LIN28B: variants seen among roughly 807,000 people sequenced by gnomAD.
LIN28B encodes the protein protein lin-28 homolog B.
LIN28B carries 5 observed loss-of-function variants against 21.9 expected under a neutral mutation model. The observed-to-expected ratio is 0.23, with a 90% confidence interval of 0.12 to 0.48. The LOEUF (loss-of-function observed/expected upper bound fraction) is 0.48, where lower values mean the gene tolerates loss of function less well. Among genes scored for constraint, LIN28B ranks in the 20% least tolerant of loss-of-function variants. The pLI, the probability that LIN28B is intolerant of heterozygous loss-of-function variation, is 0.98. For synonymous variants in LIN28B, 109 were observed against 111.3 expected (o/e 0.98, Z 0.13); for missense variants, 245 against 310.5 (o/e 0.79, Z 1.58).
rs1582904247 is a variant in LIN28B, at chr6:105,026,559, C to T, written c.383+77C>T. The T allele has an allele frequency of 1.4e-5, 13 of 933,196 alleles. No individual in the cohort carries two copies. The East Asian group carries it at 2.9e-4, about 21-fold the overall frequency. The allele number at this position is 933,196 out of a possible 1,614,324, so 57.8% of individuals were successfully genotyped here. A position where few individuals can be genotyped will look rare whatever the true frequency, so the allele number is the denominator to read the frequency against. The stretch of plus-strand genomic sequence containing the variant: ...TTCTGAAAATGTTTTCATCTTACTG[C>T]ATTTCATATTGTCTAGCCAAAGGAA... On this transcript the variant is annotated intron_variant, in intron 3 of 3. Transcript: ENST00000345080.
intron 1 of LIN28B, 124 bp from the exon 2 acceptor site, chr6:104,957,973 TAA>T (rs869304002): frequency 3.6e-6 from 2 of 556,060 alleles, no homozygotes; most frequent in Non-Finnish European, 3.0e-6. Context: ...ATCAAACCAT[TAA>T]AAAAAATTTT....
intron 3 of LIN28B, among the ~76,000 whole-genome samples, chr6:105,055,526 G>T (rs1284133954): frequency 1.3e-5 from 2 of 152,254 alleles, no homozygotes; most frequent in East Asian, 1.9e-4. Flanking sequence ...AAGCACAGCA[G>T]CAGGCTTTGT....
chr6:104,984,321 T>G (rs1770288977), intron 2 of LIN28B, among the ~76,000 whole-genome samples: 1 of 152,234 alleles, frequency 6.6e-6, no homozygotes, highest in African/African-American at 2.4e-5. Flanking sequence ...GTATAAATAA[T>G]AAACATACAG....
At chr6:104,991,386 G>T (rs573425238) in intron 2 of LIN28B, among the ~76,000 whole-genome samples, 1 of 151,666 alleles carries the variant, frequency 6.6e-6, no homozygotes, top group Non-Finnish European at 1.5e-5. Context: ...GGTCGCGGCC[G>T]GGCAGAGGCG....
chr6:105,023,648 A>G (rs1354158649), intron 2 of LIN28B, among the ~76,000 whole-genome samples: 1 of 89,148 alleles, frequency 1.1e-5, no homozygotes, highest in South Asian at 2.7e-4. Context: ...TAAAATATAT[A>G]ATATATATAT....
chr6:105,006,918 G>A (rs1582891784), intron 2 of LIN28B, among the ~76,000 whole-genome samples: 1 of 152,170 alleles, frequency 6.6e-6, no homozygotes, highest in Non-Finnish European at 1.5e-5. Context: ...AAAGACAGTA[G>A]GGAAATGCAA....
chr6:104,987,097 CAT>C (rs1270600695), intron 2 of LIN28B, among the ~76,000 whole-genome samples: 2 of 152,258 alleles, frequency 1.3e-5, no homozygotes, highest in Non-Finnish European at 2.9e-5. Flanking sequence ...AATCCATGAA[CAT>C]GTTTGTCCTT....
intron 2 of LIN28B, among the ~76,000 whole-genome samples, chr6:104,974,506 A>T (rs1324592245): frequency 6.7e-6 from 1 of 149,016 alleles, no homozygotes; most frequent in Middle Eastern, 3.4e-3. Context: ...AAAAAAAAAG[A>T]AAAAGAAAAA....
intron 3 of LIN28B, among the ~76,000 whole-genome samples, chr6:105,051,554 A>C (rs1771906953): frequency 1.3e-5 from 2 of 151,712 alleles, no homozygotes; most frequent in Non-Finnish European, 2.9e-5. Flanking sequence ...TTTAAGTTTC[A>C]AATAAATCTG....
At chr6:104,979,054 G>A (rs1213273473) in intron 2 of LIN28B, among the ~76,000 whole-genome samples, 2 of 152,030 alleles carry the variant, frequency 1.3e-5, no homozygotes, top group Non-Finnish European at 2.9e-5. Context: ...AGTCATTTAA[G>A]ATTTAAGTAA....
chr6:105,059,378 C>T (rs905001776), intron 3 of LIN28B, among the ~76,000 whole-genome samples: 1 of 152,138 alleles, frequency 6.6e-6, no homozygotes, highest in African/African-American at 2.4e-5. Flanking sequence ...TCACTCTTCA[C>T]ATTTTGCTAG....
intron 2 of LIN28B, among the ~76,000 whole-genome samples, chr6:104,943,380 A>G (rs1562557816): frequency 6.6e-6 from 1 of 152,190 alleles, no homozygotes; most frequent in Non-Finnish European, 1.5e-5. Flanking sequence ...ATTAAATAAA[A>G]CATGTATGAA....
At chr6:105,076,622 T>C (rs1229736534) in intron 3 of LIN28B, among the ~76,000 whole-genome samples, 2 of 152,114 alleles carry the variant, frequency 1.3e-5, no homozygotes, top group Admixed American at 6.5e-5. Flanking sequence ...TTGTTGTTGT[T>C]GTTGGAGATG....
chr6:105,078,248 T>C (rs1217791958), intron 3 of LIN28B, among the ~76,000 whole-genome samples, 166 bp from the exon 4 acceptor site: 1 of 152,212 alleles, frequency 6.6e-6, no homozygotes, highest in Non-Finnish European at 1.5e-5. Context: ...GTGATGATAG[T>C]CTTTGAACCA....
chr6:104,939,483 C>G (rs1158823954), intron 2 of LIN28B: 3 of 152,138 alleles, frequency 2.0e-5, no homozygotes, highest in African/African-American at 7.2e-5. Context: ...ATCAGTTTGT[C>G]TGCATTGATC....
At position 105,078,860 on chromosome 6, in the gene LIN28B, A is replaced by C; in HGVS notation, c.*77A>C. The C allele has an allele frequency of 1.3e-6, 2 of 1,493,302 alleles. No homozygotes were observed. The highest frequency in any genetic ancestry group is 1.4e-5 in the African/African-American group (1 of 71,566). 92.5% of individuals were successfully genotyped at this position (1,493,302 alleles called of 1,614,324 possible). A position where few individuals can be genotyped will look rare whatever the true frequency, so the allele number is the denominator to read the frequency against. ...TGCAAGTATAGGGGAACAGTATTTC[A>C]CAAGCAGTAGCTGACCTGGGATTTT... On this transcript the variant is annotated 3_prime_UTR_variant, in exon 4 of 4. Transcript: ENST00000345080.
rs551419782 is a variant in LIN28B at position 104,966,722 on chromosome 6, C to T, written c.198+8436C>T. 1.6e-4 allele frequency among the ~76,000 whole-genome samples: 24 copies of T among 151,020 alleles called. No homozygotes were observed. In the East Asian group the frequency reaches 4.1e-3, roughly 26 times the overall value. On this transcript the variant is annotated intron_variant, in intron 2 of 3. Coordinates refer to ENST00000345080, the MANE Select transcript of LIN28B (RefSeq NM_001004317.4). ...CTGCAAGCTCCGCCTCCCAGGTTCA[C>T]GCCATTCTCCTGCCTCAGCCTCCAG... is the stretch of plus-strand genomic sequence containing the variant.
upstream of LIN28B, among the ~76,000 whole-genome samples, chr6:104,956,794 A>C (rs1014343391): frequency 2.6e-5 from 4 of 152,180 alleles, no homozygotes; most frequent in Non-Finnish European, 5.9e-5. Flanking sequence ...GCGTGTGCAC[A>C]TATATGACTG....
At chr6:105,003,422 A>G (rs994570684) in intron 2 of LIN28B, among the ~76,000 whole-genome samples, 2 of 152,220 alleles carry the variant, frequency 1.3e-5, no homozygotes, top group African/African-American at 4.8e-5. Flanking sequence ...CACTTTACGA[A>G]GAACTGAAGA....
Sources: gnomAD v4.1 joint callset for allele counts (sites outside exome capture counted in the v4.1 genomes callset) on GRCh38, gnomAD v4.1.1 for gene constraint, MANE v1.5 for transcripts, NCBI Gene and HGNC (gene_info 2026-07-23, HGNC 2026-07-21) for gene names.